The following SNX31 variants were observed in gnomAD, a reference collection of about 807,000 sequenced individuals.
The protein encoded by SNX31 is sorting nexin 31.
Under a neutral mutation model 65.4 loss-of-function variants are expected in SNX31, and 58 were observed. The observed-to-expected ratio is 0.89, with a 90% CI of 0.72 to 1.10. SNX31 has a LOEUF of 1.10. Ranked by LOEUF, SNX31 falls within the 50% of genes least tolerant of loss-of-function variation. The probability of loss-of-function intolerance (pLI) is 0.00; values close to 1 mark genes in which losing one functional copy is unlikely to be tolerated. For synonymous variants in SNX31, 181 were observed against 190.1 expected, an observed-to-expected ratio of 0.95 and a Z score of 0.39; for missense variants, 523 against 529.7, an observed-to-expected ratio of 0.99 and a Z score of 0.12.
Position 100,612,745 on chromosome 8 carries a change from G to A in SNX31, c.523+250C>T, listed in dbSNP as rs1186812996. Among the ~76,000 whole-genome samples, 1 of 152,118 alleles carries A rather than the reference G, an allele frequency of 6.6e-6. No homozygotes were observed. The highest frequency in any genetic ancestry group is 1.5e-5 in the Non-Finnish European group (1 of 68,018). On this transcript the variant is annotated intron_variant, in intron 6 of 13. Coordinates refer to ENST00000311812, the MANE Select transcript of SNX31 (RefSeq NM_152628.4). This position sits in a 1 kb window ranked among gnomAD's most constrained non-coding sequence, Gnocchi z 4.3. Reference sequence around the variant, plus strand: ...GGCCGGGCCTGCGGTAAAGGGGAGGGGGTCAGGATTAGGGCTGGGGGTACA... The same window carrying A: ...GGCCGGGCCTGCGGTAAAGGGGAGGAGGTCAGGATTAGGGCTGGGGGTACA...
intron 10 of SNX31, 147 bp downstream of exon 10, chr8:100,596,492 C>T: frequency 1.5e-6 from 1 of 660,520 alleles, no homozygotes; most frequent in South Asian, 1.8e-5. Flanking sequence ...TAGGTTTTAC[C>T]ACTAGGTGAT....
rs948283955 is a variant in SNX31, at chr8:100,625,242, A to G, written c.321+5085T>C. Among the ~76,000 whole-genome samples the G allele has an allele frequency of 6.6e-6, 1 of 152,202 alleles. No homozygotes were observed. The highest frequency in any genetic ancestry group is 1.5e-5 in the Non-Finnish European group (1 of 68,036). On this transcript the variant is annotated intron_variant, in intron 4 of 13. Coordinates refer to ENST00000311812, the MANE Select transcript of SNX31 (RefSeq NM_152628.4). This position sits in a 1 kb window ranked among gnomAD's most constrained non-coding sequence, Gnocchi z 4.2. ...ACCATGGGCTGCCTTAATGTTTTAA[A>G]ATACGTGCTTTGTTGCTATTCTGCT...
chr8:100,618,091 C>A, intron 4 of SNX31: 2 of 985,376 alleles, frequency 2.0e-6, no homozygotes, highest in Non-Finnish European at 2.4e-6. Flanking sequence ...AAAGCTGCAC[C>A]ATTGCAGCAA....
At chr8:100,599,447 T>C (rs1303329325) in intron 9 of SNX31, among the ~76,000 whole-genome samples, 1 of 151,502 alleles carries the variant, frequency 6.6e-6, no homozygotes. Context: ...GAAACTGAAC[T>C]CTTTTTTTTT....
chr8:100,629,626 A>C lies in SNX31; in HGVS notation c.321+701T>G, dbSNP rs924700622. On this transcript the variant is annotated intron_variant, in intron 4 of 13. Coordinates refer to ENST00000311812, the MANE Select transcript of SNX31 (RefSeq NM_152628.4). This position sits in a 1 kb window ranked among gnomAD's most constrained non-coding sequence, Gnocchi z 5.1. ...TCCTCCCCTGGCTAAGGATCCAGTT[A>C]ACTAGTATCATATTACTGCGGAACT... 2.6e-5 allele frequency among the ~76,000 whole-genome samples: 4 copies of C among 152,238 alleles called. No individual in the cohort carries two copies. The highest frequency in any genetic ancestry group is 4.4e-5 in the Non-Finnish European group (3 of 68,046).
At chr8:100,657,938 G>A (rs1407222371) in intron 1 of SNX31, 6 of 362,820 alleles carry the variant, frequency 1.7e-5, no homozygotes, top group African/African-American at 2.1e-5. Context: ...AAAAAAATTG[G>A]TCACCACCTG....
intron 8 of SNX31, among the ~76,000 whole-genome samples, chr8:100,600,836 T>C (rs1418706203): frequency 6.6e-6 from 1 of 152,132 alleles, no homozygotes; most frequent in Non-Finnish European, 1.5e-5. Context: ...TCATATATAA[T>C]TATGTGAAAC....
rs144515895 is a variant in SNX31, at chr8:100,649,346, C to T, written c.69G>A (p.Leu23=). Residue 23 remains leucine (L), a splice_region_variant and synonymous_variant, in exon 2 of 14, where the codon CTG becomes CTA. Transcript: ENST00000311812. Reference sequence around the variant, plus strand: ...GGAACCCGTCCAGGTGCACGGAGTACAGCTGCAAACACACAGACACCCCGT... The same window carrying T: ...GGAACCCGTCCAGGTGCACGGAGTATAGCTGCAAACACACAGACACCCCGT... ...RSDALGGRYV[L]YSVHLDGFLF... 1.2e-6 allele frequency: 2 copies of T among 1,613,854 alleles called. No individual in the cohort carries two copies. Among genetic ancestry groups the T allele is most frequent in the African/African-American group, 1.3e-5 (1 of 75,066 alleles).
Position 100,612,881 on chromosome 8 carries a change from G to A in SNX31, c.523+114C>T. The A allele has an allele frequency of 1.2e-6, 1 of 863,258 alleles. No homozygotes were observed. 53.5% of individuals were successfully genotyped at this position (863,258 alleles called of 1,614,324 possible). A position where few individuals can be genotyped will look rare whatever the true frequency, so the allele number is the denominator to read the frequency against. ...CCTTAACCCAGTGACTGAGAACAGT[G>A]GTAGGGATCACAGCCCAGTGGGTGG... is the stretch of plus-strand genomic sequence containing the variant. On this transcript the variant is annotated intron_variant, in intron 6 of 13. Transcript: ENST00000311812. This position sits in a 1 kb window ranked among gnomAD's most constrained non-coding sequence, Gnocchi z 4.3.
At chr8:100,619,494 C>A in intron 4 of SNX31, among the ~76,000 whole-genome samples, 1 of 152,188 alleles carries the variant, frequency 6.6e-6, no homozygotes. Context: ...TGGGATGGAG[C>A]TGGAGACATT....
chr8:100,590,501 G>A (rs1236885005), intron 10 of SNX31, among the ~76,000 whole-genome samples: 1 of 151,966 alleles, frequency 6.6e-6, no homozygotes, highest in Non-Finnish European at 1.5e-5. Flanking sequence ...ATTGGAGGCT[G>A]GGTGCAGTGG....
chr8:100,661,125 C>T lies in SNX31; in HGVS notation c.-58+2017G>A, dbSNP rs572924197. ...GGTTCAAGCGATTCTCCTGCCTCAG[C>T]CTCCCGAGTAGCTGGAATTACCGGC... On this transcript the variant is annotated intron_variant, in intron 1 of 5. Transcript: ENST00000520352. 3.3e-5 allele frequency among the ~76,000 whole-genome samples: 5 copies of T among 152,000 alleles called. No homozygotes were observed. In the East Asian group the frequency reaches 7.8e-4, roughly 24 times the overall value.
intron 2 of SNX31, among the ~76,000 whole-genome samples, chr8:100,636,407 T>C (rs1372411277): frequency 3.3e-5 from 5 of 152,238 alleles, no homozygotes; most frequent in Non-Finnish European, 7.3e-5. Flanking sequence ...AAATCTGAAC[T>C]TGACAAATGC....
At chr8:100,650,913 T>C (rs7828082), upstream of SNX31, among the ~76,000 whole-genome samples, 69,521 of 149,570 alleles carry the variant, frequency 0.46, 16,457 homozygotes, top group African/African-American at 0.54. Context: ...AGTGCAATGG[T>C]GCGATCTCAG....
In SNX31 at chr8:100,649,587, G is replaced by C. The variant is rs1215371739; in HGVS notation, c.-73C>G. On this transcript the variant is annotated 5_prime_UTR_variant, in exon 1 of 14. Transcript: ENST00000311812. ...GCGGGCGGTGCGCGGCTCTGAACTC[G>C]GCAGCGGTGGACGCAGCGCGGCCTG... is the stretch of plus-strand genomic sequence containing the variant. 18 of 1,410,166 alleles carry C rather than the reference G, an allele frequency of 1.3e-5. No homozygotes were observed. The highest frequency in any genetic ancestry group is 1.8e-5 in the Non-Finnish European group (18 of 1,027,946). The allele number at this position is 1,410,166 out of a possible 1,614,324, so 87.4% of individuals were successfully genotyped here.
chr8:100,650,360 T>A (rs1250401757), upstream of SNX31, among the ~76,000 whole-genome samples: 1 of 152,196 alleles, frequency 6.6e-6, no homozygotes, highest in Non-Finnish European at 1.5e-5. Flanking sequence ...TCCTTTAATC[T>A]ACCCGTAACT....
intron 7 of SNX31, 126 bp from the exon 8 acceptor site, chr8:100,608,689 C>T: frequency 1.3e-6 from 1 of 759,478 alleles, no homozygotes; most frequent in Admixed American, 2.2e-5. Context: ...CAAAGCCACA[C>T]CTCCACTTGC....
At chr8:100,585,020 G>A (rs1239193616) in intron 11 of SNX31, among the ~76,000 whole-genome samples, 3 of 151,872 alleles carry the variant, frequency 2.0e-5, no homozygotes, top group Non-Finnish European at 4.4e-5. Flanking sequence ...CACCGTGCCT[G>A]GCCCACTTTC....
At chr8:100,585,218 A>G (rs1813934836) in intron 11 of SNX31, among the ~76,000 whole-genome samples, 1 of 152,064 alleles carries the variant, frequency 6.6e-6, no homozygotes, top group African/African-American at 2.4e-5. Flanking sequence ...TGATTTTCCC[A>G]TTTGCTCCTT....
Sources: allele counts gnomAD v4.1 joint callset (sites outside exome capture counted in the v4.1 genomes callset), GRCh38; gene constraint gnomAD v4.1.1; non-coding constraint Gnocchi (gnomAD v3.1); transcripts MANE v1.5; gene names NCBI Gene and HGNC (gene_info 2026-07-23, HGNC 2026-07-21).